Variants in STIM2 observed in about 807,000 individuals in gnomAD.
STIM2 encodes stromal interaction molecule 2.
A neutral mutation model predicts 85.8 loss-of-function variants in STIM2; 31 were observed. The observed-to-expected ratio is 0.36, with a 90% CI of 0.27 to 0.49. The LOEUF is 0.49. STIM2 is among the 20% of genes least tolerant of loss of function. The pLI, the probability that STIM2 is intolerant of heterozygous loss-of-function variation, is 0.98. For synonymous variants in STIM2, 356 were observed against 331.1 expected, an observed-to-expected ratio of 1.08 and a Z score of -0.82; for missense variants, 841 against 927.6, an observed-to-expected ratio of 0.91 and a Z score of 1.21.
chr4:26,978,255 CAT>C (rs1280577025), intron 3 of STIM2, among the ~76,000 whole-genome samples: 5 of 146,524 alleles, frequency 3.4e-5, no homozygotes, highest in Admixed American at 2.1e-4. Flanking sequence ...CACATATATA[CAT>C]ATATATTTAA....
intron 1 of STIM2, among the ~76,000 whole-genome samples, chr4:26,914,454 A>G (rs1401499909): frequency 6.6e-6 from 1 of 152,184 alleles, no homozygotes; most frequent in Non-Finnish European, 1.5e-5. Flanking sequence ...CTTGCTGTGC[A>G]TGTAGACATG....
chr4:26,896,262 A>G (rs1577423145), intron 1 of STIM2, among the ~76,000 whole-genome samples: 1 of 152,222 alleles, frequency 6.6e-6, no homozygotes, highest in Admixed American at 6.5e-5. Flanking sequence ...AGCTCATTAG[A>G]TAAGGTCATG....
At chr4:27,005,407 A>G (rs1483913390) in intron 7 of STIM2, among the ~76,000 whole-genome samples, 2 of 152,226 alleles carry the variant, frequency 1.3e-5, no homozygotes, top group African/African-American at 4.8e-5. Context: ...AAGGTTACAG[A>G]GATGAAAAAT....
At chr4:27,000,462 C>A (rs1294332719) in intron 5 of STIM2, among the ~76,000 whole-genome samples, 3 of 152,152 alleles carry the variant, frequency 2.0e-5, no homozygotes, top group Admixed American at 6.5e-5. Flanking sequence ...GGGGGATTGT[C>A]TTCTGTGGGA....
intron 3 of STIM2, among the ~76,000 whole-genome samples, chr4:26,976,329 A>G (rs183615959): frequency 1.3e-5 from 2 of 149,042 alleles, no homozygotes; most frequent in East Asian, 4.1e-4. Flanking sequence ...TTCTGCATGG[A>G]TCACGCTGGG....
In STIM2 at chr4:26,919,503, G is replaced by T. The variant is rs765136659; in HGVS notation, c.152-1G>T. The T allele has an allele frequency of 6.2e-7, 1 of 1,613,076 alleles. No individual in the cohort carries two copies. Among genetic ancestry groups the T allele is most frequent in the Non-Finnish European group, 8.5e-7 (1 of 1,179,576 alleles). On this transcript the variant is annotated splice_acceptor_variant, in intron 1 of 11. Transcript: ENST00000467087. LOFTEE classifies it high-confidence loss of function. ...AGTAATTGCCCTTTGTTCTCTTTCA[G>T]ATCCCTGCATGTCACTGAGTCCACC...
chr4:26,904,669 T>TA (rs1199279775), intron 1 of STIM2, among the ~76,000 whole-genome samples: 1 of 151,938 alleles, frequency 6.6e-6, no homozygotes, highest in Non-Finnish European at 1.5e-5. Context: ...GGAGAAAAAT[T>TA]AGAGACAGCC....
intron 10 of STIM2, among the ~76,000 whole-genome samples, chr4:27,013,018 C>T (rs1035601417): frequency 1.3e-5 from 2 of 151,816 alleles, no homozygotes; most frequent in East Asian, 1.9e-4. Context: ...GAATGAGTTG[C>T]GTTTGGTTCG....
At chr4:26,942,354 A>G (rs1725641809) in intron 2 of STIM2, among the ~76,000 whole-genome samples, 1 of 152,134 alleles carries the variant, frequency 6.6e-6, no homozygotes, top group Admixed American at 6.5e-5. Flanking sequence ...TAATTTGCTC[A>G]TGTGTTCAAA....
intron 3 of STIM2, among the ~76,000 whole-genome samples, chr4:26,966,841 T>C (rs1425150407): frequency 1.3e-5 from 2 of 152,174 alleles, no homozygotes; most frequent in African/African-American, 4.8e-5. Context: ...TTACTCTGCA[T>C]AGAATAGAAC....
Position 26,903,738 on chromosome 4 carries a change from G to C in STIM2, c.152-15766G>C, listed in dbSNP as rs182064043. Reference sequence around the variant, plus strand: ...ATGTTAGGTTTGGAGAAAAAACAAAGAAGGCAGCAGGTTATTTCTGATCCT... The same window carrying C: ...ATGTTAGGTTTGGAGAAAAAACAAACAAGGCAGCAGGTTATTTCTGATCCT... On this transcript the variant is annotated intron_variant, in intron 1 of 11. Transcript: ENST00000467087. Among the ~76,000 whole-genome samples, 291 of 152,154 alleles carry C rather than the reference G, an allele frequency of 1.9e-3. 4 individuals are homozygous for C. The highest frequency in any genetic ancestry group is 0.017 in the Admixed American group (258 of 15,282).
chr4:26,988,392 T>C (rs1727656393), intron 3 of STIM2, among the ~76,000 whole-genome samples: 1 of 152,076 alleles, frequency 6.6e-6, no homozygotes, highest in South Asian at 2.1e-4. Flanking sequence ...AGAGCGAGCC[T>C]GGCAAAGAAG....
intron 1 of STIM2, among the ~76,000 whole-genome samples, chr4:26,919,127 T>C (rs1272989325): frequency 7.2e-6 from 1 of 138,122 alleles, no homozygotes; most frequent in South Asian, 2.2e-4. Flanking sequence ...TTTTTTAGTG[T>C]TTTTTTTTTT....
Position 27,003,091 on chromosome 4 carries a change from A to G in STIM2, c.968A>G (p.Gln323Arg). The G allele has an allele frequency of 1.3e-6, 2 of 1,578,288 alleles. No homozygotes were observed. Among genetic ancestry groups the G allele is most frequent in the Non-Finnish European group, 8.6e-7 (1 of 1,167,562 alleles). The change falls in exon 7 of 12, where the codon CAG becomes CGG. Residue 323 changes from glutamine (Q) to arginine (R), a missense_variant. Around this residue, in one of 3 missense-constraint regions of STIM2, gnomAD observed 408 missense variants for 525.4 expected, o/e 0.78. Coordinates refer to ENST00000467087, the MANE Select transcript of STIM2 (RefSeq NM_020860.4). ...TTGAGTAGACGTCAGTATGCAGAAC[A>G]GGAATTGGAACAGGTATTTACATTA...
intron 1 of STIM2, chr4:26,874,281 G>T: frequency 4.9e-6 from 2 of 409,984 alleles, no homozygotes; most frequent in South Asian, 4.0e-5. Flanking sequence ...TGCTGTTCTT[G>T]AGCTGCTCCT....
intron 3 of STIM2, among the ~76,000 whole-genome samples, chr4:26,973,201 T>G (rs543785014): frequency 6.6e-6 from 1 of 152,334 alleles, no homozygotes; most frequent in South Asian, 2.1e-4. Context: ...GCTCCTGGAT[T>G]GATTGATTTT....
At chr4:26,878,716 A>G (rs1310923420) in intron 1 of STIM2, among the ~76,000 whole-genome samples, 1 of 152,210 alleles carries the variant, frequency 6.6e-6, no homozygotes, top group African/African-American at 2.4e-5. Context: ...TTTATGAACA[A>G]AAGGGGTTTA....
chr4:26,953,888 A>G (rs1726148868), intron 2 of STIM2, among the ~76,000 whole-genome samples: 1 of 152,100 alleles, frequency 6.6e-6, no homozygotes, highest in South Asian at 2.1e-4. Flanking sequence ...TCATGATCTC[A>G]GTTATAATTT....
intron 3 of STIM2, among the ~76,000 whole-genome samples, chr4:26,984,964 A>G (rs1727529291): frequency 6.6e-6 from 1 of 152,222 alleles, no homozygotes; most frequent in South Asian, 2.1e-4. Flanking sequence ...TCTCTTTGGT[A>G]CAATTACTAA....
Sources: allele counts gnomAD v4.1 joint callset (sites outside exome capture counted in the v4.1 genomes callset), GRCh38; gene constraint gnomAD v4.1.1; regional missense constraint gnomAD v4.1.1; transcripts MANE v1.5; gene names NCBI Gene and HGNC (gene_info 2026-07-23, HGNC 2026-07-21).